ADGRL2: variants seen among roughly 807,000 people sequenced by gnomAD.
ADGRL2 encodes the protein adhesion G protein-coupled receptor L2.
In ADGRL2, 44 loss-of-function variants were observed where a neutral mutation model predicts 157.4. That is an observed-to-expected ratio of 0.28 (90% CI 0.22 to 0.36). ADGRL2 has a LOEUF of 0.36. ADGRL2 is among the 10% of genes least tolerant of loss of function. The probability of loss-of-function intolerance (pLI) is 1.00; values close to 1 mark genes in which losing one functional copy is unlikely to be tolerated. For synonymous variants in ADGRL2, 585 were observed against 624.7 expected, an observed-to-expected ratio of 0.94 and a Z score of 0.95; for missense variants, 1,510 against 1,768.9, an observed-to-expected ratio of 0.85 and a Z score of 2.63.
At chr1:81,911,507 C>T (rs184842187) in intron 3 of ADGRL2, among the ~76,000 whole-genome samples, 242 of 152,230 alleles carry the variant, frequency 1.6e-3, no homozygotes, top group African/African-American at 5.6e-3. Flanking sequence ...CTGGATTATA[C>T]CTGAAGATCG....
chr1:81,676,828 A>C (rs549848746), intron 3 of ADGRL2, among the ~76,000 whole-genome samples: 2 of 148,798 alleles, frequency 1.3e-5, no homozygotes, highest in Non-Finnish European at 3.0e-5. Flanking sequence ...CTGGGACTAC[A>C]GCCGCCCGCC....
chr1:81,550,370 T>C (rs1054406329), intron 2 of ADGRL2, among the ~76,000 whole-genome samples: 14 of 152,174 alleles, frequency 9.2e-5, no homozygotes, highest in African/African-American at 1.4e-4. Flanking sequence ...ACAGTAAATT[T>C]CAAAGCTAGG....
intron 2 of ADGRL2, among the ~76,000 whole-genome samples, chr1:81,508,250 C>T (rs1333280043): frequency 6.6e-6 from 1 of 152,160 alleles, no homozygotes. Context: ...TCTGACTTCT[C>T]GATGCATGCA....
chr1:81,406,785 A>T (rs2076861331), intron 1 of ADGRL2, among the ~76,000 whole-genome samples: 1 of 152,100 alleles, frequency 6.6e-6, no homozygotes, highest in Non-Finnish European at 1.5e-5. Context: ...CCCAATCAGC[A>T]ACATCTGCGA....
intron 2 of ADGRL2, among the ~76,000 whole-genome samples, chr1:81,780,100 C>T (rs902981486): frequency 2.0e-5 from 3 of 152,104 alleles, no homozygotes; most frequent in African/African-American, 4.8e-5. Flanking sequence ...ATTTTATGTT[C>T]GTCTAGATTT....
chr1:81,831,528 G>A (rs546187893), intron 1 of ADGRL2, among the ~76,000 whole-genome samples: 7 of 152,118 alleles, frequency 4.6e-5, no homozygotes, highest in African/African-American at 1.4e-4. Context: ...AGTAACAGTA[G>A]TGATTTTAGA....
intron 2 of ADGRL2, among the ~76,000 whole-genome samples, chr1:81,476,798 T>C (rs2078281153): frequency 6.6e-6 from 1 of 152,226 alleles, no homozygotes; most frequent in Admixed American, 6.5e-5. Context: ...TTTCTCATTC[T>C]GGCTTCTCCT....
chr1:81,707,911 A>T (rs766609638), intron 1 of ADGRL2, among the ~76,000 whole-genome samples: 1 of 152,160 alleles, frequency 6.6e-6, no homozygotes, highest in Non-Finnish European at 1.5e-5. Flanking sequence ...TCTCTGTGTT[A>T]TCCAAGAGTT....
intron 22 of ADGRL2, chr1:81,987,479 A>G (rs903059007): frequency 6.9e-5 from 52 of 755,192 alleles, no homozygotes; most frequent in Non-Finnish European, 1.2e-4. Flanking sequence ...AATATATCCA[A>G]ACTATAGTAT....
intron 3 of ADGRL2, among the ~76,000 whole-genome samples, chr1:81,623,847 G>A (rs2081851997): frequency 6.6e-6 from 1 of 151,988 alleles, no homozygotes. Flanking sequence ...ATGTTGGTCA[G>A]GCTGGTCTCG....
intron 2 of ADGRL2, among the ~76,000 whole-genome samples, chr1:81,789,246 T>TG (rs2087210902): frequency 6.6e-6 from 1 of 152,148 alleles, no homozygotes; most frequent in Admixed American, 6.5e-5. Flanking sequence ...TACAGTCACA[T>TG]GGGGAAGAGA....
chr1:81,351,149 C>T (rs74614123), intron 1 of ADGRL2, among the ~76,000 whole-genome samples: 4,578 of 151,998 alleles, frequency 0.03, 97 homozygotes, highest in Non-Finnish European at 0.045. Flanking sequence ...AGAGGTTTAA[C>T]GCTTGGCAGT....
chr1:81,327,178 A>T (rs1660961882), intron 1 of ADGRL2, among the ~76,000 whole-genome samples: 1 of 152,174 alleles, frequency 6.6e-6, no homozygotes, highest in Non-Finnish European at 1.5e-5. Context: ...TATGCATTTC[A>T]TACATAATGC....
chr1:81,719,191 A>G (rs773524348), intron 1 of ADGRL2, among the ~76,000 whole-genome samples: 25 of 152,234 alleles, frequency 1.6e-4, no homozygotes, highest in Non-Finnish European at 2.9e-4. Context: ...CTTTTTCAAC[A>G]TAAATTAGAG....
intron 1 of ADGRL2, among the ~76,000 whole-genome samples, chr1:81,748,032 G>A (rs1387137048): frequency 6.6e-6 from 1 of 152,030 alleles, no homozygotes; most frequent in Admixed American, 6.6e-5. Context: ...ACTAACTTCT[G>A]CTTACAAATC....
intron 2 of ADGRL2, among the ~76,000 whole-genome samples, chr1:81,534,728 G>C (rs1348039859): frequency 6.6e-6 from 1 of 152,080 alleles, no homozygotes; most frequent in Non-Finnish European, 1.5e-5. Context: ...ACCTCCCGCT[G>C]GTCCTTCCAT....
chr1:81,864,267 T>A (rs990499007), intron 2 of ADGRL2, among the ~76,000 whole-genome samples: 15 of 151,490 alleles, frequency 9.9e-5, no homozygotes, highest in Non-Finnish European at 2.1e-4. Flanking sequence ...AAGTTTTTTT[T>A]AAATGGGGAA....
At chr1:81,644,576 C>T (rs1179505428) in intron 3 of ADGRL2, among the ~76,000 whole-genome samples, 1 of 152,084 alleles carries the variant, frequency 6.6e-6, no homozygotes, top group Non-Finnish European at 1.5e-5. Context: ...CAGGCACCTC[C>T]CCAAAGAAGA....
At chr1:81,848,682 A>G (rs1181054084) in intron 2 of ADGRL2, among the ~76,000 whole-genome samples, 2 of 151,972 alleles carry the variant, frequency 1.3e-5, no homozygotes, top group Non-Finnish European at 2.9e-5. Flanking sequence ...TATGTAGAGT[A>G]CAGGAGGACC....
Sources: gnomAD v4.1 joint callset for allele counts (sites outside exome capture counted in the v4.1 genomes callset) on GRCh38, gnomAD v4.1.1 for gene constraint, MANE v1.5 for transcripts, NCBI Gene and HGNC (gene_info 2026-07-23, HGNC 2026-07-21) for gene names.